Variants in CAPZA2 observed in about 807,000 individuals in gnomAD.
CAPZA2 encodes capping actin protein of muscle Z-line subunit alpha 2.
CAPZA2 carries 13 observed loss-of-function variants against 44.0 expected under a neutral mutation model. The observed-to-expected ratio is 0.30, with a 90% CI of 0.19 to 0.47. CAPZA2 has a LOEUF of 0.47. CAPZA2 is among the 20% of genes least tolerant of loss of function. The probability of loss-of-function intolerance (pLI) is 1.00; values close to 1 mark genes in which losing one functional copy is unlikely to be tolerated. For synonymous variants in CAPZA2, 94 were observed against 108.2 expected (o/e 0.87, Z 0.81); for missense variants, 244 against 338.6 (o/e 0.72, Z 2.19).
intron 7 of CAPZA2, among the ~76,000 whole-genome samples, chr7:116,911,356 T>C (rs1791593988): frequency 6.6e-6 from 1 of 152,236 alleles, no homozygotes; most frequent in Admixed American, 6.5e-5. Flanking sequence ...CTTGACTATG[T>C]AAGACCATTT....
At chr7:116,876,951 C>T (rs958730520) in intron 1 of CAPZA2, among the ~76,000 whole-genome samples, 2 of 152,284 alleles carry the variant, frequency 1.3e-5, no homozygotes, top group African/African-American at 2.4e-5. Context: ...GTTCTCAGGA[C>T]GTGATCCATT....
Position 116,880,950 on chromosome 7 carries a change from C to T in CAPZA2, c.40-7177C>T, listed in dbSNP as rs531837589. On this transcript the variant is annotated intron_variant, in intron 1 of 9. Coordinates refer to ENST00000361183, the MANE Select transcript of CAPZA2 (RefSeq NM_006136.3). The stretch of plus-strand genomic sequence containing the variant: ...TCTCCAACCCCTGAGTTCAGGCAAT[C>T]TGCCCACCTTGGCCTCCCAAAGTGC... 6.3e-4 allele frequency among the ~76,000 whole-genome samples: 95 copies of T among 151,784 alleles called. 1 individual carries two copies. In the South Asian group the frequency reaches 0.015, roughly 25 times the overall value.
At chr7:116,868,227 T>C (rs1796507350) in intron 1 of CAPZA2, among the ~76,000 whole-genome samples, 1 of 152,220 alleles carries the variant, frequency 6.6e-6, no homozygotes, top group Non-Finnish European at 1.5e-5. Context: ...GTAATAGTTA[T>C]TTGCTTACCG....
intron 1 of CAPZA2, among the ~76,000 whole-genome samples, chr7:116,864,043 C>G (rs2115857651): frequency 1.3e-5 from 2 of 152,256 alleles, no homozygotes; most frequent in South Asian, 4.1e-4. Context: ...ACCCAGTAGG[C>G]AGATCCCCGT....
chr7:116,898,797 C>T lies in CAPZA2; in HGVS notation c.181C>T (p.Gln61Ter). ...TGCATTTGCACAGTATAACTTGGAC[C>T]AGTTTACTCCAGTAAAAATTGAAGG... The part of the protein sequence containing the change: ...AHAFAQYNLD[Q>*]FTPVKIEGYE... The change falls in exon 4 of 10, where the codon CAG (glutamine) becomes TAG (stop). Residue 61 changes from glutamine to a stop codon, truncating the protein, a stop_gained. Transcript: ENST00000361183. LOFTEE classifies it high-confidence loss of function. 6.3e-7 allele frequency: 1 copy of T among 1,597,312 alleles called. No individual in the cohort carries two copies. Among genetic ancestry groups the T allele is most frequent in the Non-Finnish European group, 8.6e-7 (1 of 1,168,446 alleles).
chr7:116,912,428 T>G (rs957640861), intron 8 of CAPZA2, among the ~76,000 whole-genome samples: 1 of 152,172 alleles, frequency 6.6e-6, no homozygotes, highest in African/African-American at 2.4e-5. Flanking sequence ...TTTAGAACAT[T>G]TTCATGCTCC....
chr7:116,910,061 A>T, intron 6 of CAPZA2, 172 bp from the exon 7 acceptor site: 1 of 616,708 alleles, frequency 1.6e-6, no homozygotes, highest in South Asian at 1.8e-5. Context: ...TATGTATCAT[A>T]ACTGGACTTA....
chr7:116,900,551 A>G (rs1001908564), intron 4 of CAPZA2, among the ~76,000 whole-genome samples: 3 of 151,996 alleles, frequency 2.0e-5, no homozygotes, highest in African/African-American at 7.2e-5. Context: ...GGGCCAGGGA[A>G]TTCAATTTAA....
At chr7:116,871,311 C>T (rs779288475) in intron 1 of CAPZA2, among the ~76,000 whole-genome samples, 6 of 152,094 alleles carry the variant, frequency 3.9e-5, no homozygotes, top group Non-Finnish European at 5.9e-5. Flanking sequence ...GAGCGGTGCT[C>T]AGTGTTGCAG....
Position 116,918,942 on chromosome 7 carries a change from G to A in CAPZA2, c.*1075G>A, listed in dbSNP as rs1791722704. 2 of 152,172 alleles carry A rather than the reference G, an allele frequency of 1.3e-5. No homozygotes were observed. Among genetic ancestry groups the A allele is most frequent in the South Asian group, 2.1e-4 (1 of 4,828 alleles). 9.4% of individuals were successfully genotyped at this position (152,172 alleles called of 1,614,324 possible). A position where few individuals can be genotyped will look rare whatever the true frequency, so the allele number is the denominator to read the frequency against. ...TCTACTGATGCTACAGGAATTTCAA[G>A]CCTGTGGTGAATGTTAGTATTTACC... On this transcript the variant is annotated 3_prime_UTR_variant, in exon 10 of 10. Transcript: ENST00000361183.
chr7:116,912,482 C>G (rs1407493900), intron 8 of CAPZA2, among the ~76,000 whole-genome samples: 1 of 152,110 alleles, frequency 6.6e-6, no homozygotes, highest in Non-Finnish European at 1.5e-5. Context: ...TCCATTCTAC[C>G]CAGCCCTTCC....
chr7:116,889,296 A>G (rs141306331), intron 2 of CAPZA2, among the ~76,000 whole-genome samples: 3 of 152,360 alleles, frequency 2.0e-5, no homozygotes, highest in Non-Finnish European at 2.9e-5. Context: ...TCTTCTTCAT[A>G]TACATTTGAA....
At chr7:116,909,064 A>G (rs1191299274) in intron 6 of CAPZA2, among the ~76,000 whole-genome samples, 1 of 152,146 alleles carries the variant, frequency 6.6e-6, no homozygotes, top group Non-Finnish European at 1.5e-5. Flanking sequence ...AAAATTCAGA[A>G]TGCTCCAATA....
At chr7:116,877,708 G>A (rs1188738805) in intron 1 of CAPZA2, among the ~76,000 whole-genome samples, 2 of 152,172 alleles carry the variant, frequency 1.3e-5, no homozygotes, top group African/African-American at 4.8e-5. Flanking sequence ...AAGAGCTTTT[G>A]CTGTTAACAG....
chr7:116,908,339 A>G (rs922803760), intron 6 of CAPZA2, among the ~76,000 whole-genome samples: 2 of 152,152 alleles, frequency 1.3e-5, no homozygotes, highest in Non-Finnish European at 2.9e-5. Context: ...CTAGTCTTAG[A>G]TGTTTCTTAG....
At chr7:116,880,350 A>G (rs1796675833) in intron 1 of CAPZA2, among the ~76,000 whole-genome samples, 1 of 152,146 alleles carries the variant, frequency 6.6e-6, no homozygotes, top group Non-Finnish European at 1.5e-5. Context: ...CTTGATTTTA[A>G]GGGGATGATG....
At chr7:116,874,491 G>A (rs1457862060) in intron 1 of CAPZA2, 2 of 152,244 alleles carry the variant, frequency 1.3e-5, no homozygotes, top group African/African-American at 4.8e-5. Flanking sequence ...GATTCAAGAT[G>A]TAGGCACGTT....
intron 1 of CAPZA2, among the ~76,000 whole-genome samples, chr7:116,883,944 C>T (rs914937261): frequency 3.3e-5 from 5 of 152,146 alleles, no homozygotes; most frequent in African/African-American, 1.2e-4. Flanking sequence ...ATAATTACCT[C>T]AAAATTCTAA....
chr7:116,905,448 T>C (rs1562962768), intron 5 of CAPZA2, among the ~76,000 whole-genome samples: 2 of 152,132 alleles, frequency 1.3e-5, no homozygotes, highest in Admixed American at 6.5e-5. Flanking sequence ...AACTCTACCA[T>C]ATATCCTAGT....
Sources: allele counts gnomAD v4.1 joint callset (sites outside exome capture counted in the v4.1 genomes callset), GRCh38; gene constraint gnomAD v4.1.1; transcripts MANE v1.5; gene names NCBI Gene and HGNC (gene_info 2026-07-23, HGNC 2026-07-21).